The following ABCB5 variants were observed in gnomAD, a reference collection of about 807,000 sequenced individuals.
The protein encoded by ABCB5 is ATP binding cassette subfamily B member 5.
A neutral mutation model predicts 144.2 loss-of-function variants in ABCB5; 155 were observed. The ratio of observed to expected loss-of-function variants is 1.08; its 90% CI spans 0.94 to 1.23. The LOEUF is 1.23. Among genes scored for constraint, ABCB5 ranks in the 50% most tolerant of loss-of-function variants. The pLI, the probability that ABCB5 is intolerant of heterozygous loss-of-function variation, is 0.00. For synonymous variants in ABCB5, 610 were observed against 528.6 expected (o/e 1.15, Z -2.11); for missense variants, 1,830 against 1,520.8 (o/e 1.20, Z -3.38).
chr7:20,726,754 G>A (rs1404718191), intron 21 of ABCB5, among the ~76,000 whole-genome samples: 1 of 152,016 alleles, frequency 6.6e-6, no homozygotes, highest in Non-Finnish European at 1.5e-5. Flanking sequence ...TTATTCTTCT[G>A]TCTATGGAAC....
At chr7:20,739,225 G>GC in intron 24 of ABCB5, 86 bp downstream of exon 24, 20 of 1,382,256 alleles carry the variant, frequency 1.4e-5, no homozygotes, top group South Asian at 3.1e-5. Context: ...GGAGAGAGGG[G>GC]CAAGGGCTGA....
intron 14 of ABCB5, among the ~76,000 whole-genome samples, chr7:20,667,791 G>T (rs1785255241): frequency 6.9e-6 from 1 of 145,184 alleles, no homozygotes; most frequent in Admixed American, 6.9e-5. Context: ...GGACTGTACT[G>T]CTGCCATCTC....
intron 10 of ABCB5, 81 bp downstream of exon 10, chr7:20,647,729 A>G: frequency 4.0e-6 from 6 of 1,516,382 alleles, no homozygotes; most frequent in Non-Finnish European, 4.4e-6. Context: ...CATTTTCACT[A>G]AAACAATAGG....
intron 5 of ABCB5, 65 bp downstream of exon 5, chr7:20,632,178 A>T: frequency 8.6e-7 from 1 of 1,162,826 alleles, no homozygotes; most frequent in Non-Finnish European, 1.2e-6. Flanking sequence ...GCTTACAAGA[A>T]AAAAGCAACT....
At chr7:20,618,862 C>G (rs577896682) in intron 1 of ABCB5, among the ~76,000 whole-genome samples, 2 of 146,148 alleles carry the variant, frequency 1.4e-5, no homozygotes, top group South Asian at 4.4e-4. Flanking sequence ...GCAACCTCCA[C>G]CTCCCGGGTT....
At chr7:20,633,911 T>C (rs1266675402) in intron 5 of ABCB5, among the ~76,000 whole-genome samples, 9 of 152,124 alleles carry the variant, frequency 5.9e-5, no homozygotes, top group Non-Finnish European at 5.9e-5. Context: ...AGGGCAGTTG[T>C]GTTACATGGA....
chr7:20,617,269 C>T (rs559314260), intron 1 of ABCB5, among the ~76,000 whole-genome samples: 3 of 152,104 alleles, frequency 2.0e-5, no homozygotes, highest in Non-Finnish European at 4.4e-5. Flanking sequence ...ATCTAATGAG[C>T]TTGTTTAAAA....
intron 10 of ABCB5, 71 bp from the exon 11 acceptor site, chr7:20,647,897 C>G: frequency 8.7e-7 from 1 of 1,150,946 alleles, no homozygotes; most frequent in Non-Finnish European, 1.3e-6. Flanking sequence ...CATCCTTATA[C>G]TATTTTTAAA....
At chr7:20,728,545 G>C in intron 23 of ABCB5, 90 bp downstream of exon 23, 1 of 1,432,408 alleles carries the variant, frequency 7.0e-7, no homozygotes, top group Non-Finnish European at 9.4e-7. Flanking sequence ...CTTGAGGTCA[G>C]GAGTTTGAGA....
chr7:20,645,656 C>T (rs976879911), intron 7 of ABCB5, 100 bp from the exon 8 acceptor site: 5 of 1,394,596 alleles, frequency 3.6e-6, no homozygotes, highest in Non-Finnish European at 4.9e-6. Context: ...TAAAAAAATA[C>T]CATTAGTCTA....
At chr7:20,684,820 C>T (rs1377788554) in intron 15 of ABCB5, among the ~76,000 whole-genome samples, 2 of 152,142 alleles carry the variant, frequency 1.3e-5, no homozygotes, top group Non-Finnish European at 2.9e-5. Context: ...GGAAACTCTT[C>T]CATGTGCACA....
chr7:20,702,392 A>C (rs1786658446), intron 19 of ABCB5, among the ~76,000 whole-genome samples: 1 of 152,126 alleles, frequency 6.6e-6, no homozygotes, highest in South Asian at 2.1e-4. Flanking sequence ...ACCTAAGCTA[A>C]TTCCAAAAGG....
chr7:20,753,256 C>T, intron 26 of ABCB5, 104 bp from the exon 27 acceptor site: 1 of 1,399,886 alleles, frequency 7.1e-7, no homozygotes, highest in Non-Finnish European at 9.6e-7. Context: ...CACAAATTTT[C>T]AAGAGTAGCA....
chr7:20,660,418 G>C (rs1023006903), intron 14 of ABCB5: 2 of 985,078 alleles, frequency 2.0e-6, no homozygotes, highest in African/African-American at 3.5e-5. Context: ...TTTATGTATG[G>C]TTTGCTGGGT....
rs2128046069 is a variant in ABCB5, at chr7:20,711,041, C to T, written c.2421+6234C>T. On this transcript the variant is annotated intron_variant, in intron 20 of 27. Transcript: ENST00000404938. ...TTCAAGCAATATGGATGTCAACTTA[C>T]AGCGTAAGAAACTTAAAATAGTGCA... is the stretch of plus-strand genomic sequence containing the variant. Among the ~76,000 whole-genome samples the T allele has an allele frequency of 2.0e-5, 3 of 150,052 alleles. 1 individual carries two copies. The South Asian group carries it at 6.4e-4, about 32-fold the overall frequency.
intron 14 of ABCB5, among the ~76,000 whole-genome samples, chr7:20,666,149 A>T (rs1785185980): frequency 6.7e-6 from 1 of 150,328 alleles, no homozygotes; most frequent in Admixed American, 6.6e-5. Flanking sequence ...CAGCCTGGGC[A>T]ACAAGAGTGA....
At chr7:20,690,742 A>T (rs2128041325) in intron 16 of ABCB5, among the ~76,000 whole-genome samples, 1 of 152,270 alleles carries the variant, frequency 6.6e-6, no homozygotes, top group South Asian at 2.1e-4. Context: ...GAGAGTCAGG[A>T]CCCTGCACCA....
chr7:20,718,192 A>C (rs1281255059), intron 20 of ABCB5, among the ~76,000 whole-genome samples: 1 of 151,948 alleles, frequency 6.6e-6, no homozygotes, highest in Non-Finnish European at 1.5e-5. Context: ...TCCAGGCGTG[A>C]GCCACGGCGC....
intron 16 of ABCB5, 23 bp downstream of exon 16, chr7:20,685,859 G>T: frequency 6.4e-7 from 1 of 1,559,138 alleles, no homozygotes; most frequent in South Asian, 1.2e-5. Flanking sequence ...CGATCAACCA[G>T]TTTTTCCTGC....
Sources: gnomAD v4.1 joint callset for allele counts (sites outside exome capture counted in the v4.1 genomes callset) on GRCh38, gnomAD v4.1.1 for gene constraint, MANE v1.5 for transcripts, NCBI Gene and HGNC (gene_info 2026-07-23, HGNC 2026-07-21) for gene names.